The following FCF1 variants were observed in gnomAD, a reference collection of about 807,000 sequenced individuals.
The protein encoded by FCF1 is rRNA-processing protein FCF1 homolog.
Under a neutral mutation model 32.5 loss-of-function variants are expected in FCF1, and 17 were observed. That is an observed-to-expected ratio of 0.52 (90% CI 0.36 to 0.78). The LOEUF is 0.78. Among genes scored for constraint, FCF1 ranks in the 30% least tolerant of loss-of-function variants. The probability of loss-of-function intolerance (pLI) is 0.00; values close to 1 mark genes in which losing one functional copy is unlikely to be tolerated. For missense variants in FCF1, 201 were observed against 241.1 expected, an observed-to-expected ratio of 0.83 and a Z score of 1.10; for synonymous variants, 84 against 78.4, an observed-to-expected ratio of 1.07 and a Z score of -0.38.
intron 5 of FCF1, among the ~76,000 whole-genome samples, chr14:74,726,519 G>C (rs1321682494): frequency 6.6e-6 from 1 of 151,376 alleles, no homozygotes; most frequent in African/African-American, 2.4e-5. Context: ...CACATCTGTA[G>C]TTCCAGTTAC....
At chr14:74,728,574 C>T (rs2090599823) in intron 5 of FCF1, among the ~76,000 whole-genome samples, 1 of 152,116 alleles carries the variant, frequency 6.6e-6, no homozygotes, top group Admixed American at 6.6e-5. Context: ...TCCTCTTTTC[C>T]TAATTGAATA....
At chr14:74,713,821 C>A (rs1326942482) in intron 2 of FCF1, among the ~76,000 whole-genome samples, 1 of 152,146 alleles carries the variant, frequency 6.6e-6, no homozygotes, top group Non-Finnish European at 1.5e-5. Context: ...CATGTCAGTT[C>A]GGTGAAGTCC....
At chr14:74,715,923 C>A (rs762880436) in intron 3 of FCF1, 28 bp from the exon 4 acceptor site, 3 of 1,611,454 alleles carry the variant, frequency 1.9e-6, no homozygotes, top group South Asian at 2.2e-5. Flanking sequence ...GTAAATTTTT[C>A]TTTGTTCTTG....
intron 1 of FCF1, 111 bp downstream of exon 1, chr14:74,713,311 T>C (rs2090358352): frequency 1.9e-6 from 3 of 1,609,136 alleles, no homozygotes; most frequent in Middle Eastern, 3.3e-4. Context: ...ATATTTTCAT[T>C]CTGGTCTTAG....
At chr14:74,731,538 T>A (rs2090637719) in intron 5 of FCF1, among the ~76,000 whole-genome samples, 1 of 152,190 alleles carries the variant, frequency 6.6e-6, no homozygotes, top group African/African-American at 2.4e-5. Context: ...ACCTGTGTCA[T>A]CACACTCGTC....
At chr14:74,731,206 G>A (rs1226334688) in intron 5 of FCF1, among the ~76,000 whole-genome samples, 1 of 152,150 alleles carries the variant, frequency 6.6e-6, no homozygotes, top group Non-Finnish European at 1.5e-5. Context: ...GAAACACTAA[G>A]TTTGGCTGTC....
intron 5 of FCF1, among the ~76,000 whole-genome samples, chr14:74,728,286 G>A (rs1034967385): frequency 1.8e-4 from 28 of 152,048 alleles, no homozygotes; most frequent in Admixed American, 9.2e-4. Context: ...TCATTGAGCA[G>A]TGGTTTGTAA....
chr14:74,723,828 C>CAAA (rs11396572), intron 5 of FCF1, among the ~76,000 whole-genome samples: 10 of 111,808 alleles, frequency 8.9e-5, no homozygotes, highest in Non-Finnish European at 1.2e-4. Context: ...AACTCTGTCT[C>CAAA]AAAAAAAAAA....
intron 4 of FCF1, among the ~76,000 whole-genome samples, chr14:74,718,827 G>A (rs935898462): frequency 1.3e-5 from 2 of 151,664 alleles, no homozygotes. Context: ...TTGAAGCCTG[G>A]GCAACATAAC....
At chr14:74,720,279 A>G (rs2090483131) in intron 4 of FCF1, among the ~76,000 whole-genome samples, 1 of 152,192 alleles carries the variant, frequency 6.6e-6, no homozygotes, top group African/African-American at 2.4e-5. Context: ...GTTGTGCATC[A>G]TCCATCACCA....
Position 74,720,570 on chromosome 14 carries a change from A to C in FCF1, c.293-2702A>C, listed in dbSNP as rs113230863. 2.0e-3 allele frequency among the ~76,000 whole-genome samples: 301 copies of C among 152,296 alleles called. 1 individual carries two copies. The highest frequency in any genetic ancestry group is 6.9e-3 in the African/African-American group (287 of 41,574). On this transcript the variant is annotated intron_variant, in intron 4 of 7. Transcript: ENST00000341162. ...ATATTCCACTGTATGGATAGATCAC[A>C]TTTTAATCATTTCTACTTGCTTTTT...
intron 4 of FCF1, among the ~76,000 whole-genome samples, chr14:74,718,154 C>T (rs1488310400): frequency 1.3e-5 from 2 of 152,222 alleles, no homozygotes; most frequent in Non-Finnish European, 2.9e-5. Context: ...CGTGAGCCAC[C>T]GTGCCTGGCC....
At chr14:74,731,646 C>A (rs2090639205) in intron 5 of FCF1, among the ~76,000 whole-genome samples, 1 of 152,178 alleles carries the variant, frequency 6.6e-6, no homozygotes, top group African/African-American at 2.4e-5. Context: ...TCCCCAAATA[C>A]CAAGAAACCA....
intron 5 of FCF1, among the ~76,000 whole-genome samples, chr14:74,732,445 A>G (rs2090651393): frequency 6.6e-6 from 1 of 152,202 alleles, no homozygotes; most frequent in Admixed American, 6.5e-5. Context: ...GGCTTTTCCC[A>G]GCTGTATAGC....
rs964114686 is a variant in FCF1 at position 74,713,366 on chromosome 14, G to A, written c.4-119G>A. 1.0e-5 allele frequency: 16 copies of A among 1,549,614 alleles called. 1 individual carries two copies. In the South Asian group the frequency reaches 1.6e-4, roughly 16 times the overall value. On this transcript the variant is annotated intron_variant, in intron 1 of 7. Transcript: ENST00000341162. Reference sequence around the variant, plus strand: ...GGTGACTGTTATGCTTTACAGAGTGGGGAAGAGGGTCTGGGTTATTTGAGG... The same window carrying A: ...GGTGACTGTTATGCTTTACAGAGTGAGGAAGAGGGTCTGGGTTATTTGAGG...
intron 5 of FCF1, among the ~76,000 whole-genome samples, chr14:74,726,995 C>T (rs953994014): frequency 2.6e-5 from 4 of 152,102 alleles, no homozygotes; most frequent in South Asian, 2.1e-4. Context: ...TTTTCTTAAT[C>T]CAGTCTATCA....
intron 4 of FCF1, among the ~76,000 whole-genome samples, chr14:74,717,679 A>G (rs1013504912): frequency 1.3e-5 from 2 of 152,218 alleles, no homozygotes; most frequent in African/African-American, 4.8e-5. Context: ...TGTATTTCCC[A>G]TGGTATTTCT....
intron 5 of FCF1, among the ~76,000 whole-genome samples, chr14:74,728,211 C>T (rs1279927451): frequency 7.9e-5 from 12 of 152,076 alleles, no homozygotes; most frequent in Admixed American, 5.9e-4. Flanking sequence ...GCCATTTTCA[C>T]GATATTGATT....
chr14:74,714,182 A>G (rs1228903254), intron 2 of FCF1, among the ~76,000 whole-genome samples: 2 of 152,202 alleles, frequency 1.3e-5, no homozygotes, highest in Non-Finnish European at 2.9e-5. Flanking sequence ...AGCCGGGCGC[A>G]GTGGCTCACG....
Sources: gnomAD v4.1 joint callset for allele counts (sites outside exome capture counted in the v4.1 genomes callset) on GRCh38, gnomAD v4.1.1 for gene constraint, MANE v1.5 for transcripts, NCBI Gene and HGNC (gene_info 2026-07-23, HGNC 2026-07-21) for gene names.